Variants in ALK observed in about 807,000 individuals in gnomAD.
The protein encoded by ALK is ALK receptor tyrosine kinase.
In ALK, 74 loss-of-function variants were observed where a neutral mutation model predicts 163.1. The observed-to-expected ratio is 0.45, with a 90% CI of 0.38 to 0.55. The LOEUF (loss-of-function observed/expected upper bound fraction) is 0.55, where lower values mean the gene tolerates loss of function less well. ALK is among the 20% of genes least tolerant of loss of function. The probability of loss-of-function intolerance (pLI) is 0.00; values close to 1 mark genes in which losing one functional copy is unlikely to be tolerated. For synonymous variants in ALK, 960 were observed against 843.2 expected (o/e 1.14, Z -2.40); for missense variants, 2,063 against 2,105.3 (o/e 0.98, Z 0.39).
At chr2:29,195,848 G>T (rs1669009663) in intron 28 of ALK, among the ~76,000 whole-genome samples, 2 of 152,212 alleles carry the variant, frequency 1.3e-5, no homozygotes, top group African/African-American at 2.4e-5. Flanking sequence ...ACAGGGAAGA[G>T]GAGAGCATCG....
intron 1 of ALK, among the ~76,000 whole-genome samples, chr2:29,787,092 G>A (rs1664053378): frequency 6.6e-6 from 1 of 152,230 alleles, no homozygotes; most frequent in Admixed American, 6.5e-5. Context: ...ACCATGCCCG[G>A]CCTTCCCTGG....
At chr2:29,623,422 T>G (rs1014935865) in intron 3 of ALK, among the ~76,000 whole-genome samples, 1 of 152,114 alleles carries the variant, frequency 6.6e-6, no homozygotes, top group Admixed American at 6.6e-5. Flanking sequence ...GATAAAACAT[T>G]AAATGAAAAT....
chr2:29,485,489 C>T lies in ALK; in HGVS notation c.1154+46426G>A, dbSNP rs1573393402. On this transcript the variant is annotated intron_variant, in intron 4 of 28. Transcript: ENST00000389048. The stretch of plus-strand genomic sequence containing the variant: ...CTCTTTTTAAACAAAAGATTTCCTC[C>T]CTGTATCTATTCAAGTATATCTTAA... 2.0e-5 allele frequency among the ~76,000 whole-genome samples: 3 copies of T among 152,206 alleles called. No individual in the cohort carries two copies. In the East Asian group the frequency reaches 5.8e-4, roughly 29 times the overall value.
At chr2:29,869,538 C>G (rs1377271541) in intron 1 of ALK, among the ~76,000 whole-genome samples, 3 of 152,106 alleles carry the variant, frequency 2.0e-5, no homozygotes, top group Admixed American at 6.5e-5. Flanking sequence ...AAAATCAACA[C>G]TGGAACAATT....
At chr2:29,520,498 G>A (rs1378794637) in intron 4 of ALK, among the ~76,000 whole-genome samples, 1 of 152,202 alleles carries the variant, frequency 6.6e-6, no homozygotes, top group Admixed American at 6.5e-5. Context: ...ACATGTGAAA[G>A]AACAAATGTG....
chr2:29,405,724 A>C (rs1490671781), intron 4 of ALK, among the ~76,000 whole-genome samples: 1 of 152,204 alleles, frequency 6.6e-6, no homozygotes, highest in Admixed American at 6.5e-5. Flanking sequence ...TTTACTTAAC[A>C]AAAGGGATAA....
At chr2:29,504,296 A>G (rs1481696359) in intron 4 of ALK, among the ~76,000 whole-genome samples, 1 of 152,172 alleles carries the variant, frequency 6.6e-6, no homozygotes, top group Non-Finnish European at 1.5e-5. Flanking sequence ...GGGCAGAGCC[A>G]GGTCACACAG....
chr2:29,908,130 T>G (rs11884863), intron 1 of ALK, among the ~76,000 whole-genome samples: 5,282 of 152,254 alleles, frequency 0.035, 311 homozygotes, highest in African/African-American at 0.12. Flanking sequence ...GCAGTCAAAA[T>G]GCATCTCCCC....
At chr2:29,840,988 A>C (rs181253916) in intron 1 of ALK, among the ~76,000 whole-genome samples, 1 of 152,304 alleles carries the variant, frequency 6.6e-6, no homozygotes, top group Admixed American at 6.5e-5. Flanking sequence ...AATGGCCATC[A>C]AACACTGCAG....
intron 1 of ALK, among the ~76,000 whole-genome samples, chr2:29,763,224 G>A (rs1680761995): frequency 6.6e-6 from 1 of 152,060 alleles, no homozygotes; most frequent in Non-Finnish European, 1.5e-5. Context: ...TCTGTACAAT[G>A]AGAATAATAG....
At chr2:29,919,874 G>T in intron 1 of ALK, 119 bp downstream of exon 1, 1 of 1,251,986 alleles carries the variant, frequency 8.0e-7, no homozygotes, top group Non-Finnish European at 1.1e-6. Flanking sequence ...GAGGAAGGAG[G>T]GCGATGAAGC....
intron 4 of ALK, among the ~76,000 whole-genome samples, chr2:29,463,942 C>T (rs1671145793): frequency 6.6e-6 from 1 of 152,158 alleles, no homozygotes; most frequent in South Asian, 2.1e-4. Context: ...CAGTAGAGCC[C>T]TCAGAAAAGT....
intron 1 of ALK, among the ~76,000 whole-genome samples, chr2:29,747,604 A>C (rs1210140206): frequency 6.6e-6 from 1 of 152,244 alleles, no homozygotes; most frequent in Non-Finnish European, 1.5e-5. Flanking sequence ...TGTCCAGCAC[A>C]GGACCTAGCA....
intron 1 of ALK, among the ~76,000 whole-genome samples, chr2:29,801,707 T>G (rs1437282578): frequency 6.6e-6 from 1 of 152,234 alleles, no homozygotes; most frequent in Non-Finnish European, 1.5e-5. Context: ...AGCTCTCCAT[T>G]TGCTAGTGCA....
At chr2:29,344,456 T>A (rs539549098) in intron 5 of ALK, among the ~76,000 whole-genome samples, 1 of 152,192 alleles carries the variant, frequency 6.6e-6, no homozygotes, top group Non-Finnish European at 1.5e-5. Context: ...TGTAAGAAGT[T>A]TGACTCCCTC....
chr2:29,812,056 C>A (rs1321789798), intron 1 of ALK, among the ~76,000 whole-genome samples: 3 of 152,080 alleles, frequency 2.0e-5, no homozygotes, highest in African/African-American at 7.2e-5. Context: ...CCTCCTTGTG[C>A]CTATCAAGTG....
Position 29,280,395 on chromosome 2 carries a change from G to C in ALK, c.1818-4899C>G, listed in dbSNP as rs528898033. 1.3e-4 allele frequency among the ~76,000 whole-genome samples: 20 copies of C among 151,988 alleles called. No individual in the cohort carries two copies. The South Asian group carries it at 4.2e-3, about 32-fold the overall frequency. On this transcript the variant is annotated intron_variant, in intron 9 of 28. Transcript: ENST00000389048. ...TGAGGGAAGGTTCTGGTATGTACCA[G>C]GTGGACCACTCTGGGATGGGAGGAA...
intron 2 of ALK, among the ~76,000 whole-genome samples, chr2:29,703,240 A>C (rs142702190): frequency 7.6e-4 from 116 of 152,350 alleles, no homozygotes; most frequent in African/African-American, 2.7e-3. Flanking sequence ...TTGATGTCTA[A>C]CTACTGGGAT....
At chr2:29,916,973 G>A (rs905362044) in intron 1 of ALK, among the ~76,000 whole-genome samples, 6 of 152,250 alleles carry the variant, frequency 3.9e-5, no homozygotes, top group East Asian at 1.9e-4. Flanking sequence ...TTGAAATGCC[G>A]ATCCTATTTC....
Sources: allele counts gnomAD v4.1 joint callset (sites outside exome capture counted in the v4.1 genomes callset), GRCh38; gene constraint gnomAD v4.1.1; transcripts MANE v1.5; gene names NCBI Gene and HGNC (gene_info 2026-07-23, HGNC 2026-07-21).